The following AK3 variants were observed in gnomAD, a reference collection of about 807,000 sequenced individuals.
AK3 encodes GTP:AMP phosphotransferase AK3, mitochondrial.
Under a neutral mutation model 23.7 loss-of-function variants are expected in AK3, and 27 were observed. That is an observed-to-expected ratio of 1.14 (90% CI 0.84 to 1.57). The LOEUF is 1.57. Ranked by LOEUF, AK3 falls within the 40% of genes most tolerant of loss-of-function variation. The pLI is 0.00. For missense variants in AK3, 406 were observed against 285.6 expected, an observed-to-expected ratio of 1.42 and a Z score of -3.04; for synonymous variants, 159 against 116.0, an observed-to-expected ratio of 1.37 and a Z score of -2.38.
intron 4 of AK3, among the ~76,000 whole-genome samples, chr9:4,717,045 G>A (rs183899370): frequency 8.5e-5 from 13 of 152,284 alleles, no homozygotes; most frequent in Non-Finnish European, 1.5e-4. Flanking sequence ...CTTTCTATGC[G>A]TCAGGCCCAG....
intron 3 of AK3, 23 bp downstream of exon 3, chr9:4,719,112 A>T: frequency 1.2e-6 from 2 of 1,611,472 alleles, no homozygotes; most frequent in Non-Finnish European, 1.7e-6. Flanking sequence ...CTGCTATGTG[A>T]CAGTTCCACA....
In AK3 at chr9:4,717,177, T is replaced by C. The variant is rs62544263; in HGVS notation, c.563+1242A>G. ...AAGATGGTGAGCTGGGACTTGAACT[T>C]AGGTATTCTGGCTCCAGAGTCTGTG... is the stretch of plus-strand genomic sequence containing the variant. On this transcript the variant is annotated intron_variant, in intron 4 of 4. Coordinates refer to ENST00000381809, the MANE Select transcript of AK3 (RefSeq NM_016282.4). 6.8e-3 allele frequency among the ~76,000 whole-genome samples: 1,038 copies of C among 152,214 alleles called. 9 individuals carry two copies. Among genetic ancestry groups the C allele is most frequent in the Admixed American group, 0.012 (182 of 15,286 alleles).
chr9:4,727,345 T>C (rs1842042703), intron 1 of AK3, among the ~76,000 whole-genome samples: 1 of 152,220 alleles, frequency 6.6e-6, no homozygotes, highest in South Asian at 2.1e-4. Flanking sequence ...ACATTGAAAA[T>C]CTGTTAGTGT....
intron 4 of AK3, among the ~76,000 whole-genome samples, chr9:4,713,748 C>T (rs145493637): frequency 6.6e-6 from 1 of 152,170 alleles, no homozygotes; most frequent in African/African-American, 2.4e-5. Flanking sequence ...AGACCAGCAG[C>T]CAAAGTCTAT....
At chr9:4,732,395 G>C (rs934118332) in intron 1 of AK3, among the ~76,000 whole-genome samples, 1 of 152,078 alleles carries the variant, frequency 6.6e-6, no homozygotes, top group Non-Finnish European at 1.5e-5. Context: ...TTAAATTTTG[G>C]GGATGTCAAA....
At chr9:4,731,113 T>C (rs1842142983) in intron 1 of AK3, among the ~76,000 whole-genome samples, 1 of 152,240 alleles carries the variant, frequency 6.6e-6, no homozygotes, top group Non-Finnish European at 1.5e-5. Flanking sequence ...TTGTTCTTGT[T>C]GTTGTTTTAT....
chr9:4,730,824 T>A (rs1488654363), intron 1 of AK3, among the ~76,000 whole-genome samples: 1 of 152,068 alleles, frequency 6.6e-6, no homozygotes, highest in Non-Finnish European at 1.5e-5. Flanking sequence ...TTTTCTCTTT[T>A]GTTTTATGTG....
intron 4 of AK3, among the ~76,000 whole-genome samples, chr9:4,713,975 TTTACACACCTACAC>T (rs1841635475): frequency 3.5e-3 from 12 of 3,436 alleles, no homozygotes; most frequent in African/African-American, 6.4e-3. Flanking sequence ...CACCTCCACA[TTTACACACCTACAC>T]ATATACGCCT....
intron 1 of AK3, among the ~76,000 whole-genome samples, chr9:4,739,745 C>G (rs1842380304): frequency 1.3e-5 from 2 of 151,952 alleles, no homozygotes; most frequent in Admixed American, 1.3e-4. Context: ...GCCTGGCTAA[C>G]ACAGTGAAAC....
chr9:4,728,910 TATAC>T (rs1221068642), intron 1 of AK3, among the ~76,000 whole-genome samples: 2 of 147,536 alleles, frequency 1.4e-5, no homozygotes, highest in Non-Finnish European at 3.0e-5. Flanking sequence ...TACTTATATA[TATAC>T]ATACATATAA....
chr9:4,725,782 C>A (rs1161828355), intron 1 of AK3, among the ~76,000 whole-genome samples: 1 of 152,112 alleles, frequency 6.6e-6, no homozygotes, highest in Non-Finnish European at 1.5e-5. Context: ...ATTTCTTCAA[C>A]GATATACAAA....
In AK3 at chr9:4,711,535, A is replaced by G. The variant is rs78099263; in HGVS notation, c.*1441T>C. ...TAAAATTTTCCCCCCAAAACACATA[A>G]GAACCACTTACTGGCACTTGTATTT... On this transcript the variant is annotated 3_prime_UTR_variant, in exon 5 of 5. Transcript: ENST00000381809. 25 of 152,720 alleles carry G rather than the reference A, an allele frequency of 1.6e-4. 1 individual carries two copies. The East Asian group carries it at 4.8e-3, about 29-fold the overall frequency. The allele number at this position is 152,720 out of a possible 1,614,324, so 9.5% of individuals were successfully genotyped here.
chr9:4,716,224 T>C (rs979363046), intron 4 of AK3, among the ~76,000 whole-genome samples: 1 of 152,236 alleles, frequency 6.6e-6, no homozygotes, highest in African/African-American at 2.4e-5. Flanking sequence ...ACATATCATA[T>C]TGTATGATAA....
intron 1 of AK3, among the ~76,000 whole-genome samples, chr9:4,740,275 A>G (rs1210773469): frequency 6.6e-6 from 1 of 152,192 alleles, no homozygotes; most frequent in East Asian, 1.9e-4. Flanking sequence ...TGTATAGTGT[A>G]GATTGTTAAC....
chr9:4,740,638 T>A (rs1420920463), intron 1 of AK3, among the ~76,000 whole-genome samples: 1 of 152,048 alleles, frequency 6.6e-6, no homozygotes, highest in African/African-American at 2.4e-5. Context: ...TGGCTGCCAC[T>A]GGGAGGACTT....
intron 1 of AK3, among the ~76,000 whole-genome samples, chr9:4,736,137 T>G (rs1038860535): frequency 7.3e-5 from 11 of 150,286 alleles, no homozygotes; most frequent in Admixed American, 1.3e-4. Context: ...AAAAAAAAGT[T>G]GATTTTGGTG....
chr9:4,726,117 T>C (rs1842018683), intron 1 of AK3, among the ~76,000 whole-genome samples: 1 of 152,252 alleles, frequency 6.6e-6, no homozygotes, highest in African/African-American at 2.4e-5. Context: ...TAAAAAATGT[T>C]AATGATCATC....
intron 1 of AK3, among the ~76,000 whole-genome samples, chr9:4,735,533 A>G (rs557424057): frequency 1.4e-5 from 2 of 138,168 alleles, no homozygotes; most frequent in African/African-American, 5.6e-5. Context: ...GCTGGAGTGC[A>G]GTGGCATGAT....
At chr9:4,718,207 G>A (rs894036348) in intron 4 of AK3, among the ~76,000 whole-genome samples, 1 of 152,224 alleles carries the variant, frequency 6.6e-6, no homozygotes, top group Admixed American at 6.5e-5. Flanking sequence ...GCAAAACCAA[G>A]AGAACGGCTA....
Sources: allele counts gnomAD v4.1 joint callset (sites outside exome capture counted in the v4.1 genomes callset), GRCh38; gene constraint gnomAD v4.1.1; transcripts MANE v1.5; gene names NCBI Gene and HGNC (gene_info 2026-07-23, HGNC 2026-07-21).